EDARADD: variants seen among roughly 807,000 people sequenced by gnomAD.
EDARADD encodes the protein EDAR associated via death domain.
In EDARADD, 20 loss-of-function variants were observed where a neutral mutation model predicts 25.6. The observed-to-expected ratio is 0.78, with a 90% CI of 0.55 to 1.14. The LOEUF (loss-of-function observed/expected upper bound fraction) is 1.14. EDARADD is among the 50% of genes most tolerant of loss of function. EDARADD has a pLI of 0.00. For synonymous variants in EDARADD, 86 were observed against 94.4 expected (o/e 0.91, Z 0.52); for missense variants, 225 against 270.1 (o/e 0.83, Z 1.17).
upstream of EDARADD, among the ~76,000 whole-genome samples, chr1:236,393,160 T>G (rs1241975300): frequency 1.3e-5 from 2 of 152,144 alleles, no homozygotes; most frequent in African/African-American, 4.8e-5. Context: ...TTTGGTTTCT[T>G]ACTTAATGTA....
rs531300947 is a variant in EDARADD, at chr1:236,483,779, C to G, written c.*1130C>G. The G allele has an allele frequency of 6.8e-7, 1 of 1,472,682 alleles. No individual in the cohort carries two copies. The highest frequency in any genetic ancestry group is 2.3e-5 in the East Asian group (1 of 44,018). The allele number at this position is 1,472,682 out of a possible 1,614,324, so 91.2% of individuals were successfully genotyped here. A position where few individuals can be genotyped will look rare whatever the true frequency, so the allele number is the denominator to read the frequency against. ...AGGAGAAATATGGGAAAGATGCCAC[C>G]GGTGTGGGGGATGGAGGCGCGTTTG... On this transcript the variant is annotated 3_prime_UTR_variant, in exon 6 of 6. Transcript: ENST00000334232.
intron 4 of EDARADD, among the ~76,000 whole-genome samples, chr1:236,439,421 G>A (rs622391): frequency 0.79 from 119,988 of 152,156 alleles, 48,281 homozygotes; most frequent in Non-Finnish European, 0.88. Flanking sequence ...CTAAGATGCC[G>A]CCAAACTGTC....
At chr1:236,410,070 T>G (rs1162139414) in intron 2 of EDARADD, among the ~76,000 whole-genome samples, 1 of 152,138 alleles carries the variant, frequency 6.6e-6, no homozygotes, top group Non-Finnish European at 1.5e-5. Flanking sequence ...TTTTTTAAAA[T>G]TCATTTTATG....
At chr1:236,448,794 G>A (rs1430197745) in intron 4 of EDARADD, among the ~76,000 whole-genome samples, 3 of 152,150 alleles carry the variant, frequency 2.0e-5, no homozygotes, top group African/African-American at 7.2e-5. Flanking sequence ...AGACTTATAG[G>A]ACATTAGAAG....
chr1:236,484,531 A>C lies in EDARADD; in HGVS notation c.*1882A>C. 2 of 1,381,296 alleles carry C rather than the reference A, an allele frequency of 1.4e-6. No homozygotes were observed. Among genetic ancestry groups the C allele is most frequent in the Non-Finnish European group, 2.0e-6 (2 of 984,876 alleles). The allele number at this position is 1,381,296 out of a possible 1,614,324, so 85.6% of individuals were successfully genotyped here. A position where few individuals can be genotyped will look rare whatever the true frequency, so the allele number is the denominator to read the frequency against. ...TAATTAGACCCCTCCCCTTGTGTCAACTCCGGCAGCTCAAGACCCCCGAGC... is the reference window on the plus strand; with the variant it reads ...TAATTAGACCCCTCCCCTTGTGTCACCTCCGGCAGCTCAAGACCCCCGAGC... On this transcript the variant is annotated 3_prime_UTR_variant, in exon 6 of 6. Transcript: ENST00000334232. This position sits in a 1 kb window ranked among gnomAD's most constrained non-coding sequence, Gnocchi z 4.1.
In EDARADD at chr1:236,409,215, G is replaced by T; in HGVS notation, c.62-1G>T. The T allele has an allele frequency of 6.2e-7, 1 of 1,610,618 alleles. No individual in the cohort carries two copies. The highest frequency in any genetic ancestry group is 1.1e-5 in the South Asian group (1 of 90,096). On this transcript the variant is annotated splice_acceptor_variant, in intron 1 of 5. Transcript: ENST00000334232. LOFTEE classifies it high-confidence loss of function. ...TTTGTTTGTTTTTGTTCTTTTTACA[G>T]ATCATATGGTAAAGGAACCAGTGGA... is the stretch of plus-strand genomic sequence containing the variant.
chr1:236,454,250 CTG>C (rs1571945044), intron 4 of EDARADD, among the ~76,000 whole-genome samples: 1 of 152,028 alleles, frequency 6.6e-6, no homozygotes, highest in Non-Finnish European at 1.5e-5. Context: ...GGGTTTCACC[CTG>C]TTAGCCAAGA....
At chr1:236,427,478 C>T (rs1657955699) in intron 4 of EDARADD, 28 bp downstream of exon 4, 2 of 1,597,076 alleles carry the variant, frequency 1.3e-6, no homozygotes, top group Middle Eastern at 1.7e-4. Context: ...TATATTTTAC[C>T]CTTAGGTACA....
chr1:236,424,297 G>T (rs533441498), intron 3 of EDARADD, among the ~76,000 whole-genome samples: 3 of 151,684 alleles, frequency 2.0e-5, no homozygotes, highest in African/African-American at 7.3e-5. Flanking sequence ...AAATAGCTGG[G>T]ACGATAGGCA....
chr1:236,386,445 C>T lies in EDARADD; in HGVS notation c.-5-22771C>T, dbSNP rs1164272258. Among the ~76,000 whole-genome samples, 2 of 26,204 alleles carry T rather than the reference C, an allele frequency of 7.6e-5. 1 individual carries two copies. The highest frequency in any genetic ancestry group is 1.5e-4 in the Non-Finnish European group (2 of 12,994). The allele number at this position is 26,204 out of a possible 152,430, so 17.2% of individuals were successfully genotyped here. ...AAAGTGAGGAGCATCTCCGCCCGGC[C>T]GCCATCCCATCTAGGAAGTGAGGAG... On this transcript the variant is annotated intron_variant, in intron 3 of 7. Transcript: ENST00000439430.
chr1:236,355,385 G>A (rs1666961577), intron 3 of EDARADD, among the ~76,000 whole-genome samples: 1 of 151,548 alleles, frequency 6.6e-6, no homozygotes, highest in Admixed American at 6.6e-5. Flanking sequence ...ATGTATTTGT[G>A]TGTTAGACTG....
chr1:236,470,251 C>T (rs1392962961), intron 5 of EDARADD, among the ~76,000 whole-genome samples: 1 of 152,054 alleles, frequency 6.6e-6, no homozygotes, highest in Non-Finnish European at 1.5e-5. Flanking sequence ...GTGAAATAAC[C>T]AAGGAAACTT....
chr1:236,437,911 G>C (rs980708550), intron 4 of EDARADD, among the ~76,000 whole-genome samples: 2 of 152,000 alleles, frequency 1.3e-5, no homozygotes, highest in African/African-American at 4.8e-5. Context: ...ATCATGCCCA[G>C]CTAATTTTTG....
At chr1:236,373,131 G>A (rs915324740) in intron 3 of EDARADD, among the ~76,000 whole-genome samples, 1 of 151,916 alleles carries the variant, frequency 6.6e-6, no homozygotes, top group Non-Finnish European at 1.5e-5. Flanking sequence ...TAGCCAGCAT[G>A]GTCTCGATCT....
chr1:236,418,467 A>G (rs1657699692), intron 3 of EDARADD, among the ~76,000 whole-genome samples: 1 of 145,458 alleles, frequency 6.9e-6, no homozygotes, highest in African/African-American at 2.6e-5. Context: ...CTGGTCTCGA[A>G]CTCCTGACCT....
At chr1:236,405,911 T>TTCTTTCTC (rs1667723102) in intron 1 of EDARADD, among the ~76,000 whole-genome samples, 1 of 62,200 alleles carries the variant, frequency 1.6e-5, no homozygotes, top group East Asian at 2.9e-4. Context: ...CTTTCTTTCT[T>TTCTTTCTC]TCTTTCTTTC....
intron 1 of EDARADD, among the ~76,000 whole-genome samples, chr1:236,405,870 CTTCCTTCTTTCT>C (rs1667717363): frequency 1.3e-4 from 5 of 37,508 alleles, no homozygotes; most frequent in Non-Finnish European, 2.3e-4. Flanking sequence ...TCCTTCCTTC[CTTCCTTCTTTCT>C]TTCTTTCTTT....
At chr1:236,370,254 C>G (rs1047834793) in intron 3 of EDARADD, among the ~76,000 whole-genome samples, 2 of 152,088 alleles carry the variant, frequency 1.3e-5, no homozygotes, top group Non-Finnish European at 2.9e-5. Flanking sequence ...AACCCCCTCT[C>G]TACTAAAATA....
Position 236,394,435 on chromosome 1 carries a change from C to G in EDARADD, c.-10C>G. 6.2e-7 allele frequency: 1 copy of G among 1,614,082 alleles called. No homozygotes were observed. The highest frequency in any genetic ancestry group is 8.5e-7 in the Non-Finnish European group (1 of 1,179,978). On this transcript the variant is annotated 5_prime_UTR_variant, in exon 1 of 6. Coordinates refer to ENST00000334232, the MANE Select transcript of EDARADD (RefSeq NM_145861.4). ...CTCCAGAGAATTAAGAAGCCAAACT[C>G]AACATCGCCATGGGCCTCAGGACGA... is the stretch of plus-strand genomic sequence containing the variant.
Sources: allele counts gnomAD v4.1 joint callset (sites outside exome capture counted in the v4.1 genomes callset), GRCh38; gene constraint gnomAD v4.1.1; non-coding constraint Gnocchi (gnomAD v3.1); transcripts MANE v1.5; gene names NCBI Gene and HGNC (gene_info 2026-07-23, HGNC 2026-07-21).